DHX34: variants seen among roughly 807,000 people sequenced by gnomAD.
DHX34 encodes probable ATP-dependent RNA helicase DHX34.
DHX34 carries 96 observed loss-of-function variants against 111.1 expected under a neutral mutation model. The observed-to-expected ratio is 0.86, with a 90% CI of 0.73 to 1.02. The LOEUF (loss-of-function observed/expected upper bound fraction) is 1.02, where lower values mean the gene tolerates loss of function less well. Among genes scored for constraint, DHX34 ranks in the 50% least tolerant of loss-of-function variants. DHX34 has a pLI of 0.00. For synonymous variants in DHX34, 688 were observed against 670.4 expected (o/e 1.03, Z -0.41); for missense variants, 1,560 against 1,579.9 (o/e 0.99, Z 0.21).
In DHX34 at chr19:47,353,314, A is replaced by T; in HGVS notation, c.284A>T (p.Asp95Val). The T allele has an allele frequency of 6.2e-7, 1 of 1,614,136 alleles. No individual in the cohort carries two copies. The highest frequency in any genetic ancestry group is 8.5e-7 in the Non-Finnish European group (1 of 1,180,018). The stretch of plus-strand genomic sequence containing the variant: ...AAGCACAGCATCCCAGCGCTGGCCG[A>T]CCTACCTCGCACTTACGACCCACGT... ...QPKHSIPALA[D>V]LPRTYDPRYR... The change falls in exon 2 of 17, where the codon GAC becomes GTC. Residue 95 changes from aspartate (D) to valine (V), a missense_variant. By Grantham distance (152) the Asp-to-Val change is radical. Transcript: ENST00000328771. This position sits in a 1 kb window ranked among gnomAD's most constrained non-coding sequence, Gnocchi z 4.6.
intron 10 of DHX34, 77 bp from the exon 11 acceptor site, chr19:47,375,847 C>G: frequency 6.5e-7 from 1 of 1,541,596 alleles, no homozygotes; most frequent in Non-Finnish European, 8.7e-7. Context: ...CAGGTATCTG[C>G]AGAGCCTGGG....
intron 7 of DHX34, among the ~76,000 whole-genome samples, chr19:47,370,167 G>A (rs933218093): frequency 6.6e-6 from 1 of 152,290 alleles, no homozygotes; most frequent in East Asian, 1.9e-4. Flanking sequence ...GACGCAAAGT[G>A]CCCTGGTTGT....
intron 5 of DHX34, among the ~76,000 whole-genome samples, chr19:47,360,669 TTTGTTGTTG>T (rs58164248): frequency 3.0e-4 from 45 of 149,118 alleles, no homozygotes; most frequent in African/African-American, 5.1e-4. Flanking sequence ...TGACATTCTG[TTTGTTGTTG>T]TTGTTGTTGT....
rs1461273638 is a variant in DHX34, at chr19:47,372,887, C to T, written c.1926C>T (p.Pro642=). Residue 642 remains proline (P), a synonymous_variant, in exon 8 of 17, where the codon CCC becomes CCT. Coordinates refer to ENST00000328771, the MANE Select transcript of DHX34 (RefSeq NM_014681.6). ...RRPLESDQGD[P]FTLFNVFNAW... Reference sequence around the variant, plus strand: ...CGCTGGAGAGCGACCAGGGTGACCCCTTCACGCTCTTCAACGTCTTCAACG... The same window carrying T: ...CGCTGGAGAGCGACCAGGGTGACCCTTTCACGCTCTTCAACGTCTTCAACG... 5 of 1,607,276 alleles carry T rather than the reference C, an allele frequency of 3.1e-6. No homozygotes were observed. Among genetic ancestry groups the T allele is most frequent in the Non-Finnish European group, 4.2e-6 (5 of 1,179,274 alleles).
At chr19:47,352,678 A>G (rs1312526139) in intron 1 of DHX34, 76 bp from the exon 2 acceptor site, 9 of 224,528 alleles carry the variant, frequency 4.0e-5, no homozygotes, top group Middle Eastern at 1.8e-3. Context: ...CTGCCTCAAA[A>G]AGAAAAAAAC....
chr19:47,358,633 G>A (rs1969533734), intron 4 of DHX34, among the ~76,000 whole-genome samples: 1 of 149,854 alleles, frequency 6.7e-6, no homozygotes, highest in Non-Finnish European at 1.5e-5. Context: ...TTTTCTTTTT[G>A]GGACAGAGTC....
intron 15 of DHX34, 56 bp downstream of exon 15, chr19:47,381,048 C>G (rs183548616): frequency 1.3e-6 from 2 of 1,543,094 alleles, no homozygotes; most frequent in East Asian, 4.5e-5. Context: ...CCCACCACCC[C>G]GTTTCACCTT....
chr19:47,382,128 C>G lies in DHX34; in HGVS notation c.*15C>G. ...AGCACGTGTGAGCTGGGCCAGGAGC[C>G]CTGCCCACCTCCGTGCAGCTGACCT... On this transcript the variant is annotated 3_prime_UTR_variant, in exon 17 of 17. Coordinates refer to ENST00000328771, the MANE Select transcript of DHX34 (RefSeq NM_014681.6). The G allele has an allele frequency of 6.2e-7, 1 of 1,613,390 alleles. No individual in the cohort carries two copies. Among genetic ancestry groups the G allele is most frequent in the Non-Finnish European group, 8.5e-7 (1 of 1,179,762 alleles).
At chr19:47,360,951 T>G (rs945275250) in intron 5 of DHX34, among the ~76,000 whole-genome samples, 1 of 151,984 alleles carries the variant, frequency 6.6e-6, no homozygotes, top group African/African-American at 2.4e-5. Context: ...ATTACGGGCA[T>G]GAGCCACCAC....
At position 47,353,306 on chromosome 19, in the gene DHX34, G is replaced by C; in HGVS notation, c.276G>C (p.Ala92=). The C allele has an allele frequency of 6.2e-7, 1 of 1,614,160 alleles. No individual in the cohort carries two copies. Among genetic ancestry groups the C allele is most frequent in the Non-Finnish European group, 8.5e-7 (1 of 1,180,028 alleles). The change falls in exon 2 of 17, where the codon GCG becomes GCC. Residue 92 remains alanine (A), a synonymous_variant. Coordinates refer to ENST00000328771, the MANE Select transcript of DHX34 (RefSeq NM_014681.6). The surrounding 1 kb of genome is among the most constrained non-coding windows in gnomAD (Gnocchi z 4.6). ...DPGQPKHSIP[A]LADLPRTYDP... ...GACAGCCCAAGCACAGCATCCCAGC[G>C]CTGGCCGACCTACCTCGCACTTACG... is the stretch of plus-strand genomic sequence containing the variant.
chr19:47,366,660 G>A (rs982026440), intron 6 of DHX34, among the ~76,000 whole-genome samples: 5 of 151,506 alleles, frequency 3.3e-5, no homozygotes, highest in South Asian at 2.1e-4. Flanking sequence ...GGCTTACTGC[G>A]ATCTCCACCT....
Position 47,379,486 on chromosome 19 carries a change from C to T in DHX34, c.2707-224C>T, listed in dbSNP as rs551224721. On this transcript the variant is annotated intron_variant, in intron 13 of 16. Transcript: ENST00000328771. Reference sequence around the variant, plus strand: ...TCTCTCCCAGCACGCTCCCATCTGCCGCCCCGCCACCCCAGCCCCCTTCCC... The same window carrying T: ...TCTCTCCCAGCACGCTCCCATCTGCTGCCCCGCCACCCCAGCCCCCTTCCC... 74 of 658,768 alleles carry T rather than the reference C, an allele frequency of 1.1e-4. 1 individual carries two copies. The highest frequency in any genetic ancestry group is 5.9e-4 in the African/African-American group (30 of 50,774). 40.8% of individuals were successfully genotyped at this position (658,768 alleles called of 1,614,324 possible).
At position 47,352,152 on chromosome 19, in the gene DHX34, A is replaced by G. The variant is rs188501829; in HGVS notation, c.-277-602A>G. Among the ~76,000 whole-genome samples the G allele has an allele frequency of 7.2e-5, 11 of 152,232 alleles. No individual in the cohort carries two copies. In the East Asian group the frequency reaches 1.9e-3, roughly 27 times the overall value. ...CTCAGGTGAAACATCCCCTCCTCCC[A>G]GGATCCTTCCCTGATTCCCAAGCAT... On this transcript the variant is annotated intron_variant, in intron 1 of 16. Coordinates refer to ENST00000328771, the MANE Select transcript of DHX34 (RefSeq NM_014681.6).
Position 47,353,511 on chromosome 19 carries a change from G to T in DHX34, c.481G>T (p.Ala161Ser). 1 of 1,613,874 alleles carries T rather than the reference G, an allele frequency of 6.2e-7. No individual in the cohort carries two copies. Among genetic ancestry groups the T allele is most frequent in the Non-Finnish European group, 8.5e-7 (1 of 1,179,966 alleles). Residue 161 changes from alanine to serine, a missense_variant, in exon 2 of 17, where the codon GCC (alanine) becomes TCC (serine). Ala to Ser is a moderately conservative substitution (Grantham distance 99, BLOSUM62 1). Coordinates refer to ENST00000328771, the MANE Select transcript of DHX34 (RefSeq NM_014681.6). This position sits in a 1 kb window ranked among gnomAD's most constrained non-coding sequence, Gnocchi z 4.6. ...GGCCAAGCTGCAGCGTGAGCGGGCA[G>T]CCCTCCCCATCGCCCAGTATGGGAA... ...RLAKLQRERA[A>S]LPIAQYGNRI...
chr19:47,375,946 A>G lies in DHX34; in HGVS notation c.2330A>G (p.His777Arg), dbSNP rs1433588042. The change falls in exon 11 of 17, where the codon CAT (histidine) becomes CGT (arginine). Residue 777 changes from histidine to arginine, a missense_variant. Transcript: ENST00000328771. ...DIQDVKFKLR[H>R]DLAQLQAAAS... ...CAGGATGTGAAGTTCAAGCTTCGGC[A>G]TGACCTGGCGCAGCTGCAGGCCGCT... is the stretch of plus-strand genomic sequence containing the variant. 1 of 1,603,044 alleles carries G rather than the reference A, an allele frequency of 6.2e-7. No individual in the cohort carries two copies. The highest frequency in any genetic ancestry group is 8.5e-7 in the Non-Finnish European group (1 of 1,177,584).
In DHX34 at chr19:47,373,690, G is replaced by A. The variant is rs756853161; in HGVS notation, c.2054G>A (p.Arg685His). Reference sequence around the variant, plus strand: ...CTGTACGAAATGGCCAACCTTCGGCGCCAGTTCAAGGTGAGGCTCGGGAGG... The same window carrying A: ...CTGTACGAAATGGCCAACCTTCGGCACCAGTTCAAGGTGAGGCTCGGGAGG... ...HRLYEMANLR[R>H]QFKELLEDHG... The change falls in exon 9 of 17, where the codon CGC becomes CAC. Residue 685 changes from arginine to histidine, a missense_variant. Coordinates refer to ENST00000328771, the MANE Select transcript of DHX34 (RefSeq NM_014681.6). The A allele has an allele frequency of 1.4e-5, 22 of 1,613,548 alleles. No individual in the cohort carries two copies. The highest frequency in any genetic ancestry group is 3.3e-5 in the Admixed American group (2 of 59,988).
intron 9 of DHX34, among the ~76,000 whole-genome samples, chr19:47,374,151 C>T (rs1970059955): frequency 6.6e-6 from 1 of 152,136 alleles, no homozygotes; most frequent in South Asian, 2.1e-4. Context: ...AAAAATAGCA[C>T]TTGCCAGCCG....
intron 1 of DHX34, among the ~76,000 whole-genome samples, chr19:47,350,420 A>T (rs1013756735): frequency 1.6e-4 from 22 of 137,780 alleles, no homozygotes; most frequent in Non-Finnish European, 2.5e-4. Flanking sequence ...ACAAAAATGA[A>T]TTTTTTTTTT....
At chr19:47,372,590 T>G in intron 7 of DHX34, 140 bp from the exon 8 acceptor site, 1 of 1,408,800 alleles carries the variant, frequency 7.1e-7, no homozygotes, top group Non-Finnish European at 9.2e-7. Context: ...AATCTCCATC[T>G]GGGTCACAAG....
Sources: gnomAD v4.1 joint callset for allele counts (sites outside exome capture counted in the v4.1 genomes callset) on GRCh38, gnomAD v4.1.1 for gene constraint, Gnocchi (gnomAD v3.1) non-coding constraint, MANE v1.5 for transcripts, NCBI Gene and HGNC (gene_info 2026-07-23, HGNC 2026-07-21) for gene names.